The following GYS2 variants were observed in gnomAD, a reference collection of about 807,000 sequenced individuals.
The protein encoded by GYS2 is glycogen [starch] synthase, liver.
In GYS2, 80 loss-of-function variants were observed where a neutral mutation model predicts 85.6. The observed-to-expected ratio is 0.93, with a 90% CI of 0.78 to 1.13. The LOEUF (loss-of-function observed/expected upper bound fraction) is 1.13, where lower values mean the gene tolerates loss of function less well. Among genes scored for constraint, GYS2 ranks in the 50% most tolerant of loss-of-function variants. The pLI, the probability that GYS2 is intolerant of heterozygous loss-of-function variation, is 0.00. For synonymous variants in GYS2, 328 were observed against 300.7 expected, an observed-to-expected ratio of 1.09 and a Z score of -0.94; for missense variants, 881 against 854.9, an observed-to-expected ratio of 1.03 and a Z score of -0.38.
At chr12:21,547,366 C>T (rs1251945741) in intron 11 of GYS2, among the ~76,000 whole-genome samples, 1 of 152,142 alleles carries the variant, frequency 6.6e-6, no homozygotes, top group Non-Finnish European at 1.5e-5. Flanking sequence ...TTGGAAGCAA[C>T]ACAGATGTCC....
intron 9 of GYS2, among the ~76,000 whole-genome samples, chr12:21,559,383 C>T (rs953754474): frequency 6.6e-6 from 1 of 152,126 alleles, no homozygotes; most frequent in Non-Finnish European, 1.5e-5. Flanking sequence ...CATGAAGTCT[C>T]TCTCAGCTTC....
intron 12 of GYS2, among the ~76,000 whole-genome samples, chr12:21,545,237 G>A (rs1396075939): frequency 6.6e-6 from 1 of 152,214 alleles, no homozygotes; most frequent in East Asian, 1.9e-4. Flanking sequence ...GAGGCCAACA[G>A]TTTGAGACCA....
chr12:21,540,264 A>G (rs926821933), intron 14 of GYS2, 146 bp downstream of exon 14: 14 of 785,702 alleles, frequency 1.8e-5, no homozygotes, highest in Non-Finnish European at 3.0e-5. Flanking sequence ...TTGTAAACTT[A>G]TTAAATTTTA....
At chr12:21,573,159 G>T (rs996132215) in intron 4 of GYS2, among the ~76,000 whole-genome samples, 1 of 152,154 alleles carries the variant, frequency 6.6e-6, no homozygotes, top group African/African-American at 2.4e-5. Context: ...CAGAAAGAAC[G>T]TTCTTGCGCT....
At chr12:21,574,070 G>C (rs1038110990) in intron 4 of GYS2, 74 bp downstream of exon 4, 5 of 1,175,010 alleles carry the variant, frequency 4.3e-6, no homozygotes, top group Non-Finnish European at 6.4e-6. Context: ...GAAATGTACA[G>C]ATCAATACTT....
At chr12:21,567,905 T>A (rs1377213800) in intron 5 of GYS2, among the ~76,000 whole-genome samples, 1 of 152,000 alleles carries the variant, frequency 6.6e-6, no homozygotes, top group Non-Finnish European at 1.5e-5. Context: ...AAACCCCGTC[T>A]CTACTAAAAA....
chr12:21,580,675 A>G (rs1209925315), intron 1 of GYS2, 152 bp from the exon 2 acceptor site: 2 of 700,694 alleles, frequency 2.9e-6, no homozygotes, highest in Non-Finnish European at 5.1e-6. Flanking sequence ...AGTATTTGAC[A>G]TATTGTTAAG....
In GYS2 at chr12:21,604,701, C is replaced by T. The variant is rs1424660561; in HGVS notation, c.-109G>A. Reference sequence around the variant, plus strand: ...AGTTAGAGTTGGTAGAGTTACCAGGCTTTGGTAGCTTCTCTTGGGAATAAA... The same window carrying T: ...AGTTAGAGTTGGTAGAGTTACCAGGTTTTGGTAGCTTCTCTTGGGAATAAA... On this transcript the variant is annotated 5_prime_UTR_variant, in exon 1 of 16. Coordinates refer to ENST00000261195, the MANE Select transcript of GYS2 (RefSeq NM_021957.4). The T allele has an allele frequency of 1.9e-5, 30 of 1,568,056 alleles. No homozygotes were observed. The highest frequency in any genetic ancestry group is 2.4e-5 in the Non-Finnish European group (28 of 1,153,232).
chr12:21,540,342 G>A lies in GYS2; in HGVS notation c.1809+68C>T. On this transcript the variant is annotated intron_variant, in intron 14 of 15. Coordinates refer to ENST00000261195, the MANE Select transcript of GYS2 (RefSeq NM_021957.4). The stretch of plus-strand genomic sequence containing the variant: ...GGATTAACTTTAGAGATTATGACTA[G>A]AATCAATATGTTTATAGTCCAGTGG... The A allele has an allele frequency of 2.5e-6, 3 of 1,213,848 alleles. No homozygotes were observed. The South Asian group carries it at 3.7e-5, about 15-fold the overall frequency. 75.2% of individuals were successfully genotyped at this position (1,213,848 alleles called of 1,614,324 possible). A position where few individuals can be genotyped will look rare whatever the true frequency, so the allele number is the denominator to read the frequency against.
chr12:21,566,350 C>A (rs1944320535), intron 5 of GYS2, among the ~76,000 whole-genome samples: 1 of 141,904 alleles, frequency 7.0e-6, no homozygotes, highest in African/African-American at 2.6e-5. Context: ...ACTATGTGAT[C>A]TTTTTTTTTT....
At chr12:21,533,467 G>A (rs1591771313), downstream of GYS2, among the ~76,000 whole-genome samples, 1 of 152,120 alleles carries the variant, frequency 6.6e-6, no homozygotes, top group African/African-American at 2.4e-5. Context: ...CTGTTCGGTC[G>A]CTTCATACTG....
chr12:21,537,515 C>T (rs1244495670), intron 15 of GYS2: 2 of 315,834 alleles, frequency 6.3e-6, no homozygotes, highest in Non-Finnish European at 1.2e-5. Flanking sequence ...TCACTCAGCA[C>T]ATAAATGGTA....
intron 1 of GYS2, among the ~76,000 whole-genome samples, chr12:21,582,443 A>C (rs1944520451): frequency 6.6e-6 from 1 of 152,116 alleles, no homozygotes; most frequent in African/African-American, 2.4e-5. Flanking sequence ...CTGCCCTGGA[A>C]CATTGAACTC....
At chr12:21,601,322 T>C (rs1347570620) in intron 1 of GYS2, among the ~76,000 whole-genome samples, 1 of 152,128 alleles carries the variant, frequency 6.6e-6, no homozygotes, top group Non-Finnish European at 1.5e-5. Context: ...TTCCCACTAC[T>C]GTGGATAGAA....
intron 8 of GYS2, 32 bp from the exon 9 acceptor site, chr12:21,559,742 C>G (rs763723167): frequency 2.3e-6 from 3 of 1,330,872 alleles, no homozygotes; most frequent in Middle Eastern, 1.8e-4. Flanking sequence ...ATCATTTAAA[C>G]AGTATGACAA....
chr12:21,538,677 C>A (rs1449586827), intron 15 of GYS2, among the ~76,000 whole-genome samples: 1 of 152,126 alleles, frequency 6.6e-6, no homozygotes, highest in Non-Finnish European at 1.5e-5. Context: ...AAGGACTGAT[C>A]CCACTAAAGA....
chr12:21,542,474 G>C, intron 13 of GYS2, 22 bp downstream of exon 13: 2 of 1,486,604 alleles, frequency 1.3e-6, no homozygotes, highest in African/African-American at 2.8e-5. Context: ...CCCCAGCATG[G>C]GTTAATGATG....
At chr12:21,571,492 A>T (rs1342717573) in intron 4 of GYS2, among the ~76,000 whole-genome samples, 1 of 152,200 alleles carries the variant, frequency 6.6e-6, no homozygotes, top group Non-Finnish European at 1.5e-5. Flanking sequence ...ATATTAATCA[A>T]TAAAACACAG....
chr12:21,549,753 T>C (rs1176068394), intron 11 of GYS2, among the ~76,000 whole-genome samples: 2 of 152,226 alleles, frequency 1.3e-5, no homozygotes, highest in Non-Finnish European at 2.9e-5. Flanking sequence ...GCTGTGTTCT[T>C]TTCATTGCAT....
Sources: gnomAD v4.1 joint callset for allele counts (sites outside exome capture counted in the v4.1 genomes callset) on GRCh38, gnomAD v4.1.1 for gene constraint, MANE v1.5 for transcripts, NCBI Gene and HGNC (gene_info 2026-07-23, HGNC 2026-07-21) for gene names.